FBXL17: variants seen among roughly 807,000 people sequenced by gnomAD.
FBXL17 encodes the protein F-box and leucine rich repeat protein 17.
FBXL17 carries 22 observed loss-of-function variants against 66.2 expected under a neutral mutation model. The ratio of observed to expected loss-of-function variants is 0.33; its 90% CI spans 0.24 to 0.47. The LOEUF is 0.47. Ranked by LOEUF, FBXL17 falls within the 20% of genes least tolerant of loss-of-function variation. The pLI is 1.00. For synonymous variants in FBXL17, 474 were observed against 400.5 expected, an observed-to-expected ratio of 1.18 and a Z score of -2.19; for missense variants, 878 against 948.2, an observed-to-expected ratio of 0.93 and a Z score of 0.97.
intron 6 of FBXL17, among the ~76,000 whole-genome samples, chr5:108,182,732 A>C (rs1334863405): frequency 6.6e-6 from 1 of 152,246 alleles, no homozygotes; most frequent in African/African-American, 2.4e-5. Context: ...GTTTGAGTAC[A>C]TGAAGCCTAA....
At position 108,061,623 on chromosome 5, in the gene FBXL17, T is replaced by G. The variant is rs979644118; in HGVS notation, c.1746-40622A>C. ...TAAACGAATAGTCAGGTCTGTAAAATTAGGCTTTGTTAGAGCTCATTTTTG... is the reference window on the plus strand; with the variant it reads ...TAAACGAATAGTCAGGTCTGTAAAAGTAGGCTTTGTTAGAGCTCATTTTTG... On this transcript the variant is annotated intron_variant, in intron 6 of 8. Transcript: ENST00000542267. 3.3e-5 allele frequency among the ~76,000 whole-genome samples: 5 copies of G among 152,230 alleles called. No homozygotes were observed. In the East Asian group the frequency reaches 9.7e-4, roughly 29 times the overall value.
At chr5:108,079,489 T>C (rs1272375444) in intron 6 of FBXL17, among the ~76,000 whole-genome samples, 1 of 152,192 alleles carries the variant, frequency 6.6e-6, no homozygotes, top group African/African-American at 2.4e-5. Context: ...TGAAAGACAC[T>C]GGGTAGAGTT....
intron 7 of FBXL17, among the ~76,000 whole-genome samples, chr5:107,997,996 A>G (rs958944867): frequency 6.6e-6 from 1 of 152,244 alleles, no homozygotes; most frequent in Non-Finnish European, 1.5e-5. Context: ...TACACTGTCC[A>G]AAGACACACA....
intron 4 of FBXL17, among the ~76,000 whole-genome samples, chr5:108,327,745 CA>C (rs1759924308): frequency 6.6e-6 from 1 of 152,102 alleles, no homozygotes; most frequent in Non-Finnish European, 1.5e-5. Flanking sequence ...GCTAAGCTCT[CA>C]GTAAGAACAG....
At chr5:108,074,117 C>T (rs1748450236) in intron 6 of FBXL17, among the ~76,000 whole-genome samples, 1 of 152,138 alleles carries the variant, frequency 6.6e-6, no homozygotes. Flanking sequence ...TAAAACTGTA[C>T]CCCACTGGGG....
intron 7 of FBXL17, among the ~76,000 whole-genome samples, chr5:107,993,099 G>A (rs928064867): frequency 4.6e-5 from 7 of 152,124 alleles, no homozygotes; most frequent in African/African-American, 1.2e-4. Context: ...GTTTCACCAT[G>A]TTAGCCAGGA....
chr5:107,871,069 A>AAAAAAAAAAAAAAAAAAAAAAAAAAAAAC (rs1456052737), intron 8 of FBXL17, among the ~76,000 whole-genome samples: 3 of 130,224 alleles, frequency 2.3e-5, no homozygotes, highest in African/African-American at 9.6e-5. Context: ...AAAAAAAAAA[A>AAAAAAAAAAAAAAAAAAAAAAAAAAAAAC]AAAAAAAAAA....
intron 1 of FBXL17, among the ~76,000 whole-genome samples, chr5:108,377,265 G>C (rs1378330406): frequency 6.6e-6 from 1 of 152,174 alleles, no homozygotes; most frequent in Non-Finnish European, 1.5e-5. Flanking sequence ...GTTATGCCAG[G>C]ATATGTGAAG....
chr5:108,331,567 A>T (rs1760124051), intron 4 of FBXL17, among the ~76,000 whole-genome samples: 2 of 152,352 alleles, frequency 1.3e-5, no homozygotes, highest in Middle Eastern at 3.4e-3. Context: ...AATCAATAGC[A>T]CTTCTAGCAA....
At chr5:108,367,004 G>A (rs75043785) in intron 2 of FBXL17, among the ~76,000 whole-genome samples, 2 of 152,158 alleles carry the variant, frequency 1.3e-5, no homozygotes, top group East Asian at 3.9e-4. Context: ...TGGTCATGGT[G>A]GGAGTATTTA....
chr5:108,129,100 T>C (rs1009440631), intron 6 of FBXL17, among the ~76,000 whole-genome samples: 9 of 152,148 alleles, frequency 5.9e-5, no homozygotes, highest in Non-Finnish European at 8.8e-5. Flanking sequence ...TTGACTATCA[T>C]TAGTGGAAAA....
In FBXL17 at chr5:108,029,228, T is replaced by G. The variant is rs1267671114; in HGVS notation, c.1746-8227A>C. ...GATAGTCATGACTTCTTGTTATTTT[T>G]TAAAAGGGAAGGAATGAGGAAGGAG... is the stretch of plus-strand genomic sequence containing the variant. On this transcript the variant is annotated intron_variant, in intron 6 of 8. Transcript: ENST00000542267. Among the ~76,000 whole-genome samples the G allele has an allele frequency of 1.3e-5, 2 of 152,096 alleles. 1 individual carries two copies. Among genetic ancestry groups the G allele is most frequent in the East Asian group, 3.9e-4 (2 of 5,186 alleles).
intron 4 of FBXL17, among the ~76,000 whole-genome samples, chr5:108,235,318 G>A (rs1265363005): frequency 4.6e-5 from 7 of 152,134 alleles, no homozygotes; most frequent in Admixed American, 4.6e-4. Flanking sequence ...TGATTCTTAT[G>A]GAATCGATCC....
intron 7 of FBXL17, among the ~76,000 whole-genome samples, chr5:107,916,112 C>G (rs1008917313): frequency 1.3e-5 from 2 of 152,168 alleles, no homozygotes; most frequent in Admixed American, 6.5e-5. Flanking sequence ...TAAGCCACTG[C>G]TAGGCAGTGT....
intron 6 of FBXL17, among the ~76,000 whole-genome samples, chr5:108,096,414 G>A (rs993902810): frequency 2.0e-5 from 3 of 152,124 alleles, no homozygotes; most frequent in African/African-American, 4.8e-5. Flanking sequence ...GTCTTTGGTG[G>A]CAGTTCAAAA....
At chr5:107,868,645 A>G (rs1327067216) in intron 8 of FBXL17, among the ~76,000 whole-genome samples, 1 of 152,216 alleles carries the variant, frequency 6.6e-6, no homozygotes, top group East Asian at 1.9e-4. Flanking sequence ...CTTATAACCT[A>G]GCAGGGGAGG....
At chr5:108,252,992 T>C (rs72791254) in intron 4 of FBXL17, among the ~76,000 whole-genome samples, 3,472 of 152,264 alleles carry the variant, frequency 0.023, 60 homozygotes, top group Middle Eastern at 0.038. Context: ...CTAAAGGATT[T>C]ACGATTCTGT....
chr5:108,078,437 T>C (rs995199682), intron 6 of FBXL17, among the ~76,000 whole-genome samples: 2 of 152,194 alleles, frequency 1.3e-5, no homozygotes, highest in African/African-American at 4.8e-5. Context: ...ATATATTTCT[T>C]TGACATATTT....
At chr5:107,894,123 C>A (rs921641945) in intron 7 of FBXL17, among the ~76,000 whole-genome samples, 7 of 152,166 alleles carry the variant, frequency 4.6e-5, no homozygotes, top group Non-Finnish European at 8.8e-5. Flanking sequence ...AAAGACCTCT[C>A]ACGGTATCTA....
Sources: gnomAD v4.1 joint callset for allele counts (sites outside exome capture counted in the v4.1 genomes callset) on GRCh38, gnomAD v4.1.1 for gene constraint, MANE v1.5 for transcripts, NCBI Gene and HGNC (gene_info 2026-07-23, HGNC 2026-07-21) for gene names.